Variants in SGCD observed in about 807,000 individuals in gnomAD.
The protein encoded by SGCD is delta-sarcoglycan.
A neutral mutation model predicts 36.6 loss-of-function variants in SGCD; 18 were observed. The ratio of observed to expected loss-of-function variants is 0.49; its 90% CI spans 0.34 to 0.73. The LOEUF is 0.73. Among genes scored for constraint, SGCD ranks in the 30% least tolerant of loss-of-function variants. The probability of loss-of-function intolerance (pLI) is 0.01; values close to 1 mark genes in which losing one functional copy is unlikely to be tolerated. For missense variants in SGCD, 387 were observed against 346.7 expected, an observed-to-expected ratio of 1.12 and a Z score of -0.92; for synonymous variants, 133 against 130.6, an observed-to-expected ratio of 1.02 and a Z score of -0.12.
At chr5:155,849,914 A>AT in the SGCD span, among the ~76,000 whole-genome samples, 1 of 152,368 alleles carries the variant, frequency 6.6e-6, no homozygotes, top group South Asian at 2.1e-4. Context: ...AGTTAAGGAA[A>AT]TTAATTATTC....
chr5:156,453,710 G>C (rs1399350432), intron 3 of SGCD, among the ~76,000 whole-genome samples: 1 of 152,132 alleles, frequency 6.6e-6, no homozygotes, highest in Non-Finnish European at 1.5e-5. Flanking sequence ...AATGGCAATA[G>C]TGCCAAGGTT....
chr5:156,056,344 C>T (rs1760056070), intron 1 of SGCD, among the ~76,000 whole-genome samples: 1 of 145,870 alleles, frequency 6.9e-6, no homozygotes, highest in Non-Finnish European at 1.5e-5. Context: ...GTAGGACTAA[C>T]AAATTATGGT....
intron 3 of SGCD, among the ~76,000 whole-genome samples, chr5:156,229,297 T>TACACACATATATATATATATATAA (rs757678815): frequency 0.013 from 1,516 of 119,860 alleles, 119 homozygotes; most frequent in African/African-American, 0.046. Flanking sequence ...TATATATATA[T>TACACACATATATATATATATATAA]ATAAAATTAG....
chr5:156,348,629 C>T (rs1769070988), intron 3 of SGCD, among the ~76,000 whole-genome samples: 1 of 152,134 alleles, frequency 6.6e-6, no homozygotes, highest in Non-Finnish European at 1.5e-5. Context: ...AAAACCATCC[C>T]ATGCTCATGA....
At chr5:155,765,914 C>G in the SGCD span, among the ~76,000 whole-genome samples, 4 of 152,138 alleles carry the variant, frequency 2.6e-5, no homozygotes, top group Admixed American at 2.6e-4. Context: ...GTGAAGGAGA[C>G]AGCTGTGCCT....
At chr5:156,443,478 T>C (rs1018360014) in intron 3 of SGCD, among the ~76,000 whole-genome samples, 6 of 152,164 alleles carry the variant, frequency 3.9e-5, no homozygotes, top group Non-Finnish European at 8.8e-5. Flanking sequence ...CTCTCACTAT[T>C]GTCTGGGACT....
chr5:156,138,756 T>C (rs1179301445), intron 3 of SGCD, among the ~76,000 whole-genome samples: 1 of 152,236 alleles, frequency 6.6e-6, no homozygotes, highest in Non-Finnish European at 1.5e-5. Flanking sequence ...CATTTAGTTT[T>C]AGAAGGAACC....
chr5:156,214,263 G>A (rs1262921261), intron 3 of SGCD, among the ~76,000 whole-genome samples: 2 of 151,778 alleles, frequency 1.3e-5, no homozygotes, highest in Non-Finnish European at 2.9e-5. Context: ...AAATTTACAG[G>A]ATACCAAATC....
At chr5:156,743,204 T>G (rs284440) in intron 7 of SGCD, among the ~76,000 whole-genome samples, 134,881 of 151,278 alleles carry the variant, frequency 0.89, 60,324 homozygotes, top group African/African-American at 0.96. Flanking sequence ...CTCCGCCTCC[T>G]GGGTTCAAGC....
intron 1 of SGCD, among the ~76,000 whole-genome samples, chr5:155,871,179 G>T (rs1220514409): frequency 6.6e-6 from 1 of 152,066 alleles, no homozygotes; most frequent in Admixed American, 6.6e-5. Flanking sequence ...TAATCAAGGT[G>T]ATATAACCTC....
chr5:156,740,190 G>A (rs1756597863), intron 7 of SGCD, among the ~76,000 whole-genome samples: 1 of 152,110 alleles, frequency 6.6e-6, no homozygotes, highest in African/African-American at 2.4e-5. Context: ...AAGTTGCCTG[G>A]CATTAAAATC....
chr5:155,790,754 T>A, the SGCD span, among the ~76,000 whole-genome samples: 1 of 152,160 alleles, frequency 6.6e-6, no homozygotes, highest in African/African-American at 2.4e-5. Flanking sequence ...GTGTCTTTTA[T>A]ATAAAAGCCT....
At chr5:155,925,332 C>T (rs774344506) in intron 1 of SGCD, among the ~76,000 whole-genome samples, 4 of 152,156 alleles carry the variant, frequency 2.6e-5, no homozygotes, top group Non-Finnish European at 4.4e-5. Flanking sequence ...TACCACAAAT[C>T]AGGTGGCTTA....
At chr5:155,870,783 CCTA>C (rs1243483989) in intron 1 of SGCD, among the ~76,000 whole-genome samples, 2 of 152,164 alleles carry the variant, frequency 1.3e-5, no homozygotes, top group African/African-American at 4.8e-5. Flanking sequence ...GTGAAAACAT[CCTA>C]CTGAAATGCT....
chr5:156,545,667 A>C (rs999967158), intron 4 of SGCD, among the ~76,000 whole-genome samples: 6 of 152,262 alleles, frequency 3.9e-5, no homozygotes, highest in South Asian at 4.1e-4. Flanking sequence ...CTCAGGCAGT[A>C]ATGCTCACTC....
chr5:155,772,848 C>A, the SGCD span, among the ~76,000 whole-genome samples: 13 of 151,964 alleles, frequency 8.6e-5, no homozygotes, highest in Non-Finnish European at 1.9e-4. Flanking sequence ...CAAATAGAAC[C>A]TTTTACCTCT....
chr5:155,822,743 G>C, the SGCD span, among the ~76,000 whole-genome samples: 90 of 152,232 alleles, frequency 5.9e-4, no homozygotes, highest in African/African-American at 2.1e-3. Context: ...GAAAAGCATC[G>C]AGCCCAGGGA....
intron 3 of SGCD, among the ~76,000 whole-genome samples, chr5:156,310,361 G>C (rs1014360621): frequency 1.3e-5 from 2 of 152,188 alleles, no homozygotes; most frequent in East Asian, 3.9e-4. Flanking sequence ...CTGCATCTCT[G>C]TGATGATAGT....
chr5:156,647,449 CT>C lies in SGCD; in HGVS notation c.503-14del. On this transcript the variant is annotated splice_polypyrimidine_tract_variant and intron_variant, in intron 6 of 8. Transcript: ENST00000337851. ...GTATCTCCAATCTCTGTTTGCTTTT[CT>C]GTTTTGTTTACAGGAGCGGAGGGCA... The C allele has an allele frequency of 1.3e-6, 2 of 1,563,322 alleles. No homozygotes were observed. The highest frequency in any genetic ancestry group is 1.7e-6 in the Non-Finnish European group (2 of 1,149,334).
Sources: allele counts gnomAD v4.1 joint callset (sites outside exome capture counted in the v4.1 genomes callset), GRCh38; gene constraint gnomAD v4.1.1; transcripts MANE v1.5; gene names NCBI Gene and HGNC (gene_info 2026-07-23, HGNC 2026-07-21).